The following KCTD2 variants were observed in gnomAD, a reference collection of about 807,000 sequenced individuals.
The protein encoded by KCTD2 is potassium channel tetramerization domain containing 2, also known as BTB/POZ domain-containing protein KCTD2.
A neutral mutation model predicts 27.9 loss-of-function variants in KCTD2; 18 were observed. That is an observed-to-expected ratio of 0.64 (90% CI 0.45 to 0.96). The LOEUF is 0.96. Ranked by LOEUF, KCTD2 falls within the 40% of genes least tolerant of loss-of-function variation. The pLI, the probability that KCTD2 is intolerant of heterozygous loss-of-function variation, is 0.00. For missense variants in KCTD2, 280 were observed against 348.0 expected, an observed-to-expected ratio of 0.80 and a Z score of 1.56; for synonymous variants, 175 against 148.4, an observed-to-expected ratio of 1.18 and a Z score of -1.30.
At chr17:75,039,408 C>T (rs2291535) in intron 3 of KCTD2, 70,374 of 712,696 alleles carry the variant, frequency 0.099, 9,237 homozygotes, top group East Asian at 0.6. Context: ...TGAGTGGGGG[C>T]GCTCACTCTG....
In KCTD2 at chr17:75,059,835, T is replaced by A. The variant is rs372915829; in HGVS notation, c.636+230T>A. ...ATGTCTTAGCTTCACACGCAGACTT[T>A]CCAGGGGAGCCAACGAGCAGTTTAG... On this transcript the variant is annotated intron_variant, in intron 4 of 5. Coordinates refer to ENST00000322444, the MANE Select transcript of KCTD2 (RefSeq NM_015353.3). 9.2e-5 allele frequency among the ~76,000 whole-genome samples: 14 copies of A among 152,322 alleles called. No homozygotes were observed. The East Asian group carries it at 1.7e-3, about 19-fold the overall frequency.
At chr17:75,051,986 T>C (rs1042196453) in intron 2 of KCTD2, among the ~76,000 whole-genome samples, 1 of 152,182 alleles carries the variant, frequency 6.6e-6, no homozygotes, top group African/African-American at 2.4e-5. Flanking sequence ...CTATTAAGTT[T>C]GGCCCACATA....
intron 1 of KCTD2, chr17:75,033,903 C>T (rs1200042330): frequency 6.6e-6 from 1 of 152,312 alleles, no homozygotes. Flanking sequence ...CCACGTGCCC[C>T]AAGCCCCAGT....
intron 2 of KCTD2, among the ~76,000 whole-genome samples, chr17:75,049,651 A>G (rs955637726): frequency 6.6e-6 from 1 of 152,224 alleles, no homozygotes; most frequent in Non-Finnish European, 1.5e-5. Context: ...GAGTGTCTGT[A>G]GTCTGAAGAA....
intron 3 of KCTD2, among the ~76,000 whole-genome samples, chr17:75,054,553 C>T (rs2073330111): frequency 6.6e-6 from 1 of 152,076 alleles, no homozygotes; most frequent in South Asian, 2.1e-4. Context: ...CGCCTGTAAT[C>T]CCAGCACTTT....
Position 75,049,721 on chromosome 17 carries a change from G to A in KCTD2, c.448+393G>A, listed in dbSNP as rs993135954. Among the ~76,000 whole-genome samples the A allele has an allele frequency of 2.6e-5, 4 of 152,224 alleles. No individual in the cohort carries two copies. In the East Asian group the frequency reaches 5.8e-4, roughly 22 times the overall value. On this transcript the variant is annotated intron_variant, in intron 2 of 5. Coordinates refer to ENST00000322444, the MANE Select transcript of KCTD2 (RefSeq NM_015353.3). ...TTAATTTTGGTTTGAACTCACAGTT[G>A]TACAAAAATAATAAAGGCTTGGCCT...
chr17:75,043,828 T>C (rs1197745777), upstream of KCTD2, among the ~76,000 whole-genome samples: 1 of 152,154 alleles, frequency 6.6e-6, no homozygotes, highest in Non-Finnish European at 1.5e-5. Flanking sequence ...AATTTACTTA[T>C]GTGTACAATG....
intron 3 of KCTD2, chr17:75,040,256 C>A (rs994950320): frequency 1.4e-6 from 2 of 1,464,696 alleles, no homozygotes; most frequent in Admixed American, 1.7e-5. Context: ...GCTCAAAGGG[C>A]TGGAAGCTAC....
chr17:75,039,445 A>C (rs1021799647), intron 3 of KCTD2: 4 of 596,892 alleles, frequency 6.7e-6, no homozygotes, highest in Non-Finnish European at 1.2e-5. Flanking sequence ...TTTTCTTAAC[A>C]CTCACAGAGA....
At chr17:75,038,330 A>C (rs1032505912) in intron 3 of KCTD2, among the ~76,000 whole-genome samples, 3 of 151,938 alleles carry the variant, frequency 2.0e-5, no homozygotes, top group African/African-American at 7.3e-5. Context: ...TTTAGTAGAG[A>C]TGGGGTTTCA....
chr17:75,041,928 G>A, intron 3 of KCTD2: 1 of 367,656 alleles, frequency 2.7e-6, no homozygotes, highest in Non-Finnish European at 4.9e-6. Flanking sequence ...AAACAGAGCA[G>A]GTCAAAACTC....
intron 3 of KCTD2, among the ~76,000 whole-genome samples, chr17:75,057,662 C>G (rs1245117606): frequency 6.6e-6 from 1 of 151,090 alleles, no homozygotes; most frequent in African/African-American, 2.4e-5. Context: ...GGGGTTCAAG[C>G]AGTTCTCCCG....
In KCTD2 at chr17:75,053,183, C is replaced by T. The variant is rs964722174; in HGVS notation, c.540+78C>T. 5.7e-5 allele frequency: 65 copies of T among 1,139,654 alleles called. No homozygotes were observed. In the Middle Eastern group the frequency reaches 5.8e-4, roughly 10 times the overall value. The allele number at this position is 1,139,654 out of a possible 1,614,324, so 70.6% of individuals were successfully genotyped here. A position where few individuals can be genotyped will look rare whatever the true frequency, so the allele number is the denominator to read the frequency against. On this transcript the variant is annotated intron_variant, in intron 3 of 5. Transcript: ENST00000322444. The stretch of plus-strand genomic sequence containing the variant: ...TCGGTCTGTGATTTGAAAAGGATGC[C>T]TTTACCCTTAGAGCTGGAGGTGTGT...
intron 1 of KCTD2, 121 bp downstream of exon 1, chr17:75,047,710 T>A: frequency 4.6e-6 from 4 of 867,446 alleles, no homozygotes; most frequent in Non-Finnish European, 6.8e-6. Context: ...GACCCCATCC[T>A]CCCCCTCCCT....
At chr17:75,035,970 C>A (rs959376776) in intron 3 of KCTD2, 1 of 436,044 alleles carries the variant, frequency 2.3e-6, no homozygotes, top group African/African-American at 2.0e-5. Context: ...CCCCACTACT[C>A]TGTGCTTGGA....
At chr17:75,042,774 C>G (rs2073173855), upstream of KCTD2, 4 of 1,105,894 alleles carry the variant, frequency 3.6e-6, no homozygotes, top group Non-Finnish European at 5.1e-6. Context: ...ATCTTAGAAA[C>G]ATGCAAGTCT....
Position 75,047,608 on chromosome 17 carries a change from C to T in KCTD2, c.339+19C>T, listed in dbSNP as rs767108074. On this transcript the variant is annotated intron_variant, in intron 1 of 5. Coordinates refer to ENST00000322444, the MANE Select transcript of KCTD2 (RefSeq NM_015353.3). ...AGACAAGGTGTGCCCCGCCCTCGGG[C>T]GCGCCCCCGGGCCTTCGAACCCCCT... 1 of 1,599,968 alleles carries T rather than the reference C, an allele frequency of 6.3e-7. No homozygotes were observed. Among genetic ancestry groups the T allele is most frequent in the Non-Finnish European group, 8.5e-7 (1 of 1,173,970 alleles).
At chr17:75,033,920 A>C (rs1054254870) in intron 1 of KCTD2, 1 of 152,294 alleles carries the variant, frequency 6.6e-6, no homozygotes, top group African/African-American at 2.4e-5. Flanking sequence ...CAGTGGCCTA[A>C]TGGATAAGGC....
chr17:75,034,727 T>A (rs974906131), intron 2 of KCTD2, among the ~76,000 whole-genome samples: 13 of 150,992 alleles, frequency 8.6e-5, no homozygotes, highest in African/African-American at 3.2e-4. Context: ...CGAGAAGAAG[T>A]GCTCGGCGAG....
Sources: allele counts gnomAD v4.1 joint callset (sites outside exome capture counted in the v4.1 genomes callset), GRCh38; gene constraint gnomAD v4.1.1; transcripts MANE v1.5; gene names NCBI Gene and HGNC (gene_info 2026-07-23, HGNC 2026-07-21).